The following RBFOX1 variants were observed in gnomAD, a reference collection of about 807,000 sequenced individuals.
The protein encoded by RBFOX1 is RNA binding fox-1 homolog 1.
RBFOX1 carries 8 observed loss-of-function variants against 57.7 expected under a neutral mutation model. The observed-to-expected ratio is 0.14, with a 90% CI of 0.08 to 0.25. The LOEUF (loss-of-function observed/expected upper bound fraction) is 0.25. RBFOX1 is among the 10% of genes least tolerant of loss of function. The probability of loss-of-function intolerance (pLI) is 1.00; values close to 1 mark genes in which losing one functional copy is unlikely to be tolerated. For missense variants in RBFOX1, 611 were observed against 548.5 expected, an observed-to-expected ratio of 1.11 and a Z score of -1.14; for synonymous variants, 326 against 222.4, an observed-to-expected ratio of 1.47 and a Z score of -4.15.
intron 2 of RBFOX1, among the ~76,000 whole-genome samples, chr16:6,478,425 ATATAT>A (rs1390897241): frequency 8.5e-5 from 1 of 11,734 alleles, no homozygotes; most frequent in African/African-American, 2.6e-4. Flanking sequence ...ATATATATAT[ATATAT>A]TTTTTTTTTT....
chr16:5,302,346 C>T (rs2063826210), intron 1 of RBFOX1, among the ~76,000 whole-genome samples: 1 of 152,118 alleles, frequency 6.6e-6, no homozygotes, highest in Admixed American at 6.5e-5. Context: ...CTTTATGGAG[C>T]AGCAGCAGCA....
At chr16:6,492,910 A>G (rs988043397) in intron 2 of RBFOX1, among the ~76,000 whole-genome samples, 2 of 152,246 alleles carry the variant, frequency 1.3e-5, no homozygotes, top group Non-Finnish European at 2.9e-5. Context: ...CAATACTGCA[A>G]AAGATAATGA....
chr16:6,145,711 A>C (rs1434785664), intron 1 of RBFOX1, among the ~76,000 whole-genome samples: 3 of 152,210 alleles, frequency 2.0e-5, no homozygotes, highest in Non-Finnish European at 4.4e-5. Flanking sequence ...TGTTTATGGC[A>C]TACGTCCATT....
chr16:5,911,384 C>A (rs2058598986), intron 4 of RBFOX1, among the ~76,000 whole-genome samples: 1 of 152,208 alleles, frequency 6.6e-6, no homozygotes, highest in African/African-American at 2.4e-5. Flanking sequence ...ACAGCCGTAT[C>A]TTCAGAGACC....
intron 2 of RBFOX1, among the ~76,000 whole-genome samples, chr16:6,389,627 A>T (rs1252947764): frequency 6.6e-6 from 1 of 152,178 alleles, no homozygotes; most frequent in Non-Finnish European, 1.5e-5. Flanking sequence ...AGGGTGGTGT[A>T]CTAACAAGCA....
At chr16:5,982,902 G>C (rs1464638711) in intron 4 of RBFOX1, among the ~76,000 whole-genome samples, 1 of 152,338 alleles carries the variant, frequency 6.6e-6, no homozygotes, top group Non-Finnish European at 1.5e-5. Flanking sequence ...ATGCTTTAAT[G>C]AATCATGAGT....
chr16:7,115,643 C>G (rs892689032), intron 4 of RBFOX1, among the ~76,000 whole-genome samples: 1 of 152,160 alleles, frequency 6.6e-6, no homozygotes, highest in Non-Finnish European at 1.5e-5. Context: ...CATAGCTCCT[C>G]CAGAATAAGC....
rs1328880911 is a variant in RBFOX1 at position 5,816,325 on chromosome 16, C to G, written c.319-50978C>G. ...TCTAACTGCCAGTACCCGTCAATTA[C>G]AAAACCTTCCAGGTACTTTGGATTC... On this transcript the variant is annotated intron_variant, in intron 3 of 19. Coordinates refer to the RBFOX1 transcript ENST00000641259. 3.9e-5 allele frequency among the ~76,000 whole-genome samples: 6 copies of G among 152,148 alleles called. No homozygotes were observed. In the South Asian group the frequency reaches 1.2e-3, roughly 32 times the overall value.
At chr16:6,745,483 A>G (rs2073370231) in intron 3 of RBFOX1, among the ~76,000 whole-genome samples, 1 of 152,194 alleles carries the variant, frequency 6.6e-6, no homozygotes, top group South Asian at 2.1e-4. Context: ...TAGGATTGAA[A>G]AGATGCCTTA....
At position 6,341,228 on chromosome 16, in the gene RBFOX1, CT is replaced by C. The variant is rs960963107; in HGVS notation, c.-64+24179del. On this transcript the variant is annotated intron_variant, in intron 2 of 15. Transcript: ENST00000550418. ...CTATGGGAAAGAACCTGTTTCCTTG[CT>C]TTTTTTTGGCCACTAGAGGCTGCCT... Among the ~76,000 whole-genome samples the C allele has an allele frequency of 3.3e-5, 5 of 152,060 alleles. No individual in the cohort carries two copies. In the South Asian group the frequency reaches 6.2e-4, roughly 19 times the overall value.
intron 1 of RBFOX1, among the ~76,000 whole-genome samples, chr16:5,342,634 G>A (rs2065056702): frequency 6.6e-6 from 1 of 152,178 alleles, no homozygotes; most frequent in African/African-American, 2.4e-5. Flanking sequence ...ACTGAGAACA[G>A]TTCTTCCTTC....
intron 4 of RBFOX1, among the ~76,000 whole-genome samples, chr16:7,183,345 A>T (rs1360469848): frequency 6.6e-6 from 1 of 152,146 alleles, no homozygotes; most frequent in African/African-American, 2.4e-5. Flanking sequence ...CTCAAATTTG[A>T]CAGAAGAAAC....
At position 7,372,471 on chromosome 16, in the gene RBFOX1, C is replaced by T. The variant is rs894211409; in HGVS notation, c.28-145676C>T. Among the ~76,000 whole-genome samples the T allele has an allele frequency of 5.9e-5, 9 of 152,236 alleles. No homozygotes were observed. The South Asian group carries it at 1.9e-3, about 32-fold the overall frequency. ...GTGCTGACAAGTTAGAGTGTAAGCT[C>T]ATTGAAGCCTGTGGCCATGTACAGA... On this transcript the variant is annotated intron_variant, in intron 4 of 15. Coordinates refer to ENST00000550418, the MANE Select transcript of RBFOX1 (RefSeq NM_018723.4).
chr16:7,688,518 C>G (rs1478471740), intron 14 of RBFOX1, among the ~76,000 whole-genome samples: 4 of 151,976 alleles, frequency 2.6e-5, no homozygotes, highest in African/African-American at 9.7e-5. Flanking sequence ...CATGTCCCCT[C>G]CAGCAACACA....
chr16:6,895,446 GTGTATATATATATA>G (rs1440678258), intron 3 of RBFOX1, among the ~76,000 whole-genome samples: 1 of 57,094 alleles, frequency 1.8e-5, no homozygotes. Context: ...GTGTGTGTGT[GTGTATATATATATA>G]TATATATATA....
At chr16:7,111,320 G>A (rs1440523711) in intron 4 of RBFOX1, among the ~76,000 whole-genome samples, 1 of 152,172 alleles carries the variant, frequency 6.6e-6, no homozygotes, top group African/African-American at 2.4e-5. Context: ...AATATTCTAT[G>A]GGAACCCGAC....
intron 2 of RBFOX1, among the ~76,000 whole-genome samples, chr16:5,485,644 T>A (rs1228680271): frequency 6.6e-6 from 1 of 152,194 alleles, no homozygotes; most frequent in Non-Finnish European, 1.5e-5. Flanking sequence ...AAACTGAGGC[T>A]CAGCAAGGTT....
chr16:6,162,718 C>A lies in RBFOX1; in HGVS notation c.-127+142726C>A, dbSNP rs118049303. 6.2e-4 allele frequency among the ~76,000 whole-genome samples: 94 copies of A among 152,168 alleles called. No individual in the cohort carries two copies. The East Asian group carries it at 0.017, about 28-fold the overall frequency. On this transcript the variant is annotated intron_variant, in intron 1 of 15. Transcript: ENST00000550418. Reference sequence around the variant, plus strand: ...CCACACATGGAGGGGAATGGGCATACAATGTGCTTTTGCCTTTGTGTGTGC... The same window carrying A: ...CCACACATGGAGGGGAATGGGCATAAAATGTGCTTTTGCCTTTGTGTGTGC...
intron 2 of RBFOX1, among the ~76,000 whole-genome samples, chr16:6,429,416 A>G (rs1440715156): frequency 6.6e-6 from 1 of 152,162 alleles, no homozygotes; most frequent in Non-Finnish European, 1.5e-5. Flanking sequence ...TATTTACCCA[A>G]CATTCACTTT....
Sources: allele counts gnomAD v4.1 joint callset (sites outside exome capture counted in the v4.1 genomes callset), GRCh38; gene constraint gnomAD v4.1.1; transcripts MANE v1.5; gene names NCBI Gene and HGNC (gene_info 2026-07-23, HGNC 2026-07-21).